GOLGB1: variants seen among roughly 807,000 people sequenced by gnomAD.
The protein encoded by GOLGB1 is golgin B1.
In GOLGB1, 174 loss-of-function variants were observed where a neutral mutation model predicts 336.9. That is an observed-to-expected ratio of 0.52 (90% CI 0.46 to 0.59). The LOEUF is 0.59. Among genes scored for constraint, GOLGB1 ranks in the 20% least tolerant of loss-of-function variants. The pLI, the probability that GOLGB1 is intolerant of heterozygous loss-of-function variation, is 0.00. For synonymous variants in GOLGB1, 1,208 were observed against 1,289.2 expected (o/e 0.94, Z 1.35); for missense variants, 3,331 against 3,645.3 (o/e 0.91, Z 2.22).
intron 1 of GOLGB1, among the ~76,000 whole-genome samples, chr3:121,744,094 G>C (rs1350761970): frequency 6.6e-6 from 1 of 152,040 alleles, no homozygotes; most frequent in Admixed American, 6.5e-5. Context: ...GAATATCATA[G>C]CAAATGAGGA....
intron 1 of GOLGB1, among the ~76,000 whole-genome samples, chr3:121,738,450 C>T (rs1019734773): frequency 1.5e-4 from 23 of 152,164 alleles, no homozygotes; most frequent in African/African-American, 5.6e-4. Context: ...TATAGACAAA[C>T]CGCCAATAGT....
intron 5 of GOLGB1, among the ~76,000 whole-genome samples, chr3:121,725,208 A>C (rs770367364): frequency 1.3e-5 from 2 of 152,192 alleles, no homozygotes; most frequent in Non-Finnish European, 2.9e-5. Context: ...TACCACTGCC[A>C]TACCAGAACT....
At chr3:121,693,371 C>T (rs1269848069) in intron 13 of GOLGB1, among the ~76,000 whole-genome samples, 1 of 152,186 alleles carries the variant, frequency 6.6e-6, no homozygotes, top group East Asian at 1.9e-4. Flanking sequence ...TCCTGTAATC[C>T]CAGCTACTCG....
intron 7 of GOLGB1, among the ~76,000 whole-genome samples, chr3:121,718,927 T>G (rs1055423817): frequency 6.6e-6 from 1 of 152,134 alleles, no homozygotes; most frequent in Non-Finnish European, 1.5e-5. Context: ...TGAAAAAAAA[T>G]TGTTGAATAA....
intron 10 of GOLGB1, among the ~76,000 whole-genome samples, chr3:121,710,907 C>T (rs1209209652): frequency 1.3e-5 from 2 of 151,490 alleles, no homozygotes; most frequent in Admixed American, 1.3e-4. Flanking sequence ...AGGCCAGGCG[C>T]AGTGGCTCAC....
At chr3:121,736,579 G>T (rs1004659535) in intron 1 of GOLGB1, among the ~76,000 whole-genome samples, 2 of 152,150 alleles carry the variant, frequency 1.3e-5, no homozygotes, top group Admixed American at 1.3e-4. Context: ...AACAGTCACA[G>T]ATTAGAGAAG....
chr3:121,706,466 G>A (rs1943831644), intron 10 of GOLGB1, among the ~76,000 whole-genome samples: 1 of 152,138 alleles, frequency 6.6e-6, no homozygotes, highest in African/African-American at 2.4e-5. Context: ...GCCGGGTGCA[G>A]TGGCTCATGC....
chr3:121,679,776 G>A (rs1178255668), intron 15 of GOLGB1, among the ~76,000 whole-genome samples: 1 of 152,150 alleles, frequency 6.6e-6, no homozygotes, highest in Non-Finnish European at 1.5e-5. Context: ...CTAAGAAGGT[G>A]CCTCTCTCCG....
intron 18 of GOLGB1, 76 bp from the exon 19 acceptor site, chr3:121,668,234 T>G: frequency 1.2e-6 from 1 of 801,838 alleles, no homozygotes; most frequent in Non-Finnish European, 2.1e-6. Flanking sequence ...TGAGAGCTCG[T>G]TTACAGAGGA....
rs1333794647 is a variant in GOLGB1 at position 121,697,615 on chromosome 3, C to T, written c.2908G>A (p.Glu970Lys). The change falls in exon 13 of 22, where the codon GAG (glutamate) becomes AAG (lysine). Residue 970 changes from glutamate to lysine, a missense_variant. Glu to Lys is a moderately conservative substitution (Grantham distance 56, BLOSUM62 1). Coordinates refer to ENST00000614479, the MANE Select transcript of GOLGB1 (RefSeq NM_001366282.2). ...VSSGLKQNYDEMSPAGQISKE... is the reference protein window; with the variant it reads ...VSSGLKQNYDKMSPAGQISKE... ...CTTATTTGTCCTGCTGGGCTCATCT[C>T]ATCATAATTTTGTTTAAGGCCAGAA... is the stretch of plus-strand genomic sequence containing the variant. 6.2e-7 allele frequency: 1 copy of T among 1,613,002 alleles called. No individual in the cohort carries two copies. The highest frequency in any genetic ancestry group is 2.2e-5 in the East Asian group (1 of 44,870).
chr3:121,723,868 A>G (rs1039212184), intron 5 of GOLGB1, among the ~76,000 whole-genome samples: 2 of 152,208 alleles, frequency 1.3e-5, no homozygotes, highest in African/African-American at 4.8e-5. Context: ...TAAATTTGAC[A>G]CAAAAATAAG....
chr3:121,691,238 C>T lies in GOLGB1; in HGVS notation c.8126G>A (p.Arg2709Lys). ...MRNETETAEE[R>K]VAELARDLVE... ...CAAATCTCTTGCTAGCTCTGCCACT[C>T]TCTCTTCTGCTGTTTCAGTTTCATT... The change falls in exon 14 of 22, where the codon AGA (arginine) becomes AAA (lysine). Residue 2709 changes from arginine to lysine, a missense_variant. By Grantham distance (26) the Arg-to-Lys change is conservative. Coordinates refer to ENST00000614479, the MANE Select transcript of GOLGB1 (RefSeq NM_001366282.2). 1 of 1,614,010 alleles carries T rather than the reference C, an allele frequency of 6.2e-7. No individual in the cohort carries two copies. The highest frequency in any genetic ancestry group is 8.5e-7 in the Non-Finnish European group (1 of 1,180,010).
chr3:121,721,476 A>C (rs754798449), intron 6 of GOLGB1, among the ~76,000 whole-genome samples: 15 of 152,138 alleles, frequency 9.9e-5, no homozygotes, highest in Non-Finnish European at 1.8e-4. Context: ...AAAATGTAAA[A>C]AATTTAGCCA....
chr3:121,666,269 A>T (rs1159776792), intron 20 of GOLGB1, among the ~76,000 whole-genome samples: 1 of 152,218 alleles, frequency 6.6e-6, no homozygotes, highest in Non-Finnish European at 1.5e-5. Flanking sequence ...TCCATTCTGC[A>T]TCAGAGCTAA....
At chr3:121,747,339 G>GTA (rs200614522) in intron 1 of GOLGB1, among the ~76,000 whole-genome samples, 169 of 137,392 alleles carry the variant, frequency 1.2e-3, no homozygotes, top group Middle Eastern at 3.7e-3. Flanking sequence ...ACGTATATAT[G>GTA]TATATATATG....
At position 121,689,599 on chromosome 3, in the gene GOLGB1, A is replaced by T. The variant is rs1314805980; in HGVS notation, c.8694+1071T>A. On this transcript the variant is annotated intron_variant, in intron 14 of 21. Transcript: ENST00000614479. Reference sequence around the variant, plus strand: ...CTGACCTTCCCTCCACTATTGTCCTATGACCCTGCCAAATCCCCCTCTGTG... The same window carrying T: ...CTGACCTTCCCTCCACTATTGTCCTTTGACCCTGCCAAATCCCCCTCTGTG... 4.0e-5 allele frequency among the ~76,000 whole-genome samples: 6 copies of T among 150,582 alleles called. No homozygotes were observed. The East Asian group carries it at 1.2e-3, about 29-fold the overall frequency.
At chr3:121,667,879 A>G (rs1938860260) in intron 19 of GOLGB1, among the ~76,000 whole-genome samples, 182 bp downstream of exon 19, 1 of 152,220 alleles carries the variant, frequency 6.6e-6, no homozygotes, top group Non-Finnish European at 1.5e-5. Flanking sequence ...TTTGTTTTAC[A>G]AACTTTTCAC....
At chr3:121,729,554 G>C (rs935087808) in intron 3 of GOLGB1, among the ~76,000 whole-genome samples, 1 of 152,036 alleles carries the variant, frequency 6.6e-6, no homozygotes, top group Non-Finnish European at 1.5e-5. Context: ...GGGACTACAG[G>C]TGCCCAATAC....
Position 121,665,181 on chromosome 3 carries a change from G to A in GOLGB1, c.9555-150C>T, listed in dbSNP as rs1048113204. 6 of 597,530 alleles carry A rather than the reference G, an allele frequency of 1.0e-5. No homozygotes were observed. In the South Asian group the frequency reaches 1.2e-4, roughly 12 times the overall value. The allele number at this position is 597,530 out of a possible 1,614,324, so 37.0% of individuals were successfully genotyped here. A position where few individuals can be genotyped will look rare whatever the true frequency, so the allele number is the denominator to read the frequency against. On this transcript the variant is annotated intron_variant, in intron 20 of 21. Coordinates refer to ENST00000614479, the MANE Select transcript of GOLGB1 (RefSeq NM_001366282.2). ...CCATAAACCCAAACCCATGCAAGGG[G>A]GGTACCAGCAGATACGTTTCCTTCA...
Sources: gnomAD v4.1 joint callset for allele counts (sites outside exome capture counted in the v4.1 genomes callset) on GRCh38, gnomAD v4.1.1 for gene constraint, MANE v1.5 for transcripts, NCBI Gene and HGNC (gene_info 2026-07-23, HGNC 2026-07-21) for gene names.